Variants in PRDM10 observed in about 807,000 individuals in gnomAD.
PRDM10 encodes PR/SET domain 10.
In PRDM10, 65 loss-of-function variants were observed where a neutral mutation model predicts 133.1. The observed-to-expected ratio is 0.49, with a 90% CI of 0.40 to 0.60. PRDM10 has a LOEUF of 0.60. Ranked by LOEUF, PRDM10 falls within the 20% of genes least tolerant of loss-of-function variation. The probability of loss-of-function intolerance (pLI) is 0.00; values close to 1 mark genes in which losing one functional copy is unlikely to be tolerated. For synonymous variants in PRDM10, 582 were observed against 580.4 expected, an observed-to-expected ratio of 1.00 and a Z score of -0.04; for missense variants, 1,137 against 1,507.1, an observed-to-expected ratio of 0.75 and a Z score of 4.07.
rs1205647558 is a variant in PRDM10, at chr11:129,917,152, T to A, written c.2300A>T (p.Asp767Val). ...LTLPIIKPNR[D>V]YFCQYCDKVY... ...CTTATCGCAATACTGACAAAAGTAA[T>A]CACGATTGGGTTTTATGATGGGTAG... Residue 767 changes from aspartate to valine, a missense_variant, in exon 15 of 21, where the codon GAT becomes GTT. Transcript: ENST00000360871. 6.2e-7 allele frequency: 1 copy of A among 1,612,494 alleles called. No homozygotes were observed. The highest frequency in any genetic ancestry group is 2.2e-5 in the East Asian group (1 of 44,890).
At chr11:129,943,332 A>G (rs1951276314) in intron 6 of PRDM10, among the ~76,000 whole-genome samples, 1 of 152,252 alleles carries the variant, frequency 6.6e-6, no homozygotes, top group African/African-American at 2.4e-5. Flanking sequence ...GGCACACAGC[A>G]GATTACATTA....
chr11:129,948,711 A>G (rs954894484), intron 4 of PRDM10, among the ~76,000 whole-genome samples: 1 of 152,240 alleles, frequency 6.6e-6, no homozygotes, highest in Non-Finnish European at 1.5e-5. Flanking sequence ...CTGAAGGCCA[A>G]AAAACCCTAA....
chr11:129,918,635 G>C lies in PRDM10; in HGVS notation c.2118C>G (p.Ser706=). Residue 706 remains serine (S), a synonymous_variant, in exon 14 of 21, where the codon TCC becomes TCG. Coordinates refer to ENST00000360871, the MANE Select transcript of PRDM10 (RefSeq NM_199437.2). This position sits in a 1 kb window ranked among gnomAD's most constrained non-coding sequence, Gnocchi z 5.3. The part of the protein sequence containing the change: ...EAKKADRISR[S]KTFKPRITST... ...ACGTGATGCGGGGCTTGAACGTCTT[G>C]GAGCGGCTGATGCGGTCGGCTTTCT... The C allele has an allele frequency of 6.2e-7, 1 of 1,614,210 alleles. No individual in the cohort carries two copies. Among genetic ancestry groups the C allele is most frequent in the East Asian group, 2.2e-5 (1 of 44,892 alleles).
intron 1 of PRDM10, among the ~76,000 whole-genome samples, chr11:129,983,524 T>C (rs564869799): frequency 8.6e-5 from 13 of 151,782 alleles, no homozygotes; most frequent in African/African-American, 3.1e-4. Context: ...GCTCTCGATC[T>C]CCTGACCTTG....
intron 2 of PRDM10, 142 bp from the exon 3 acceptor site, chr11:129,958,052 G>A (rs1441396792): frequency 6.3e-6 from 6 of 958,214 alleles, no homozygotes; most frequent in Non-Finnish European, 9.1e-6. Flanking sequence ...GGTGACTAGG[G>A]GAGGATGCAA....
chr11:129,920,517 C>G (rs915589220), intron 13 of PRDM10, among the ~76,000 whole-genome samples: 3 of 152,126 alleles, frequency 2.0e-5, no homozygotes, highest in African/African-American at 4.8e-5. Context: ...CTGAATTAGC[C>G]CAGCTCTGAA....
chr11:129,924,297 T>C (rs1255735501), intron 12 of PRDM10, among the ~76,000 whole-genome samples: 1 of 152,226 alleles, frequency 6.6e-6, no homozygotes, highest in Non-Finnish European at 1.5e-5. Context: ...TTACAAAATG[T>C]TTCGTTATTC....
In PRDM10 at chr11:129,932,093, C is replaced by G. The variant is rs752231974; in HGVS notation, c.1287+9G>C. ...CACCTAAGGAGGGCTCCTTCCCGTC[C>G]CCCCGTACCTGTGTCCCATCGTCAC... On this transcript the variant is annotated intron_variant, in intron 10 of 20. Transcript: ENST00000360871. The G allele has an allele frequency of 1.9e-6, 3 of 1,611,084 alleles. No individual in the cohort carries two copies. In the Admixed American group the frequency reaches 5.0e-5, roughly 27 times the overall value.
chr11:129,924,958 T>G lies in PRDM10; in HGVS notation c.1802A>C (p.Asp601Ala). The stretch of plus-strand genomic sequence containing the variant: ...ATCATTGATATGAATGGCCACATGA[T>G]CTTTCAACAAATCAAGGCGGTCAAA... ...ESFDRLDLLK[D>A]HVAIHINDGY... The change falls in exon 12 of 21, where the codon GAT becomes GCT. Residue 601 changes from aspartate to alanine, a missense_variant. By Grantham distance (126) the Asp-to-Ala change is moderately radical. Transcript: ENST00000360871. The G allele has an allele frequency of 6.2e-7, 1 of 1,614,220 alleles. No homozygotes were observed. The highest frequency in any genetic ancestry group is 8.5e-7 in the Non-Finnish European group (1 of 1,180,032).
Position 129,942,645 on chromosome 11 carries a change from G to C in PRDM10, c.763-16C>G. 1.9e-6 allele frequency: 3 copies of C among 1,593,920 alleles called. No homozygotes were observed. The South Asian group carries it at 3.4e-5, about 18-fold the overall frequency. ...CAAGAGAAACCTGCACGAAAAAAAA[G>C]CCACACCAAAAACAAAACAAAACCT... On this transcript the variant is annotated splice_polypyrimidine_tract_variant and intron_variant, in intron 6 of 20. Transcript: ENST00000360871.
chr11:129,943,572 A>G (rs919908271), intron 6 of PRDM10, among the ~76,000 whole-genome samples: 1 of 152,150 alleles, frequency 6.6e-6, no homozygotes, highest in Non-Finnish European at 1.5e-5. Context: ...ATAAGAAGGG[A>G]AGATGGGCCA....
intron 2 of PRDM10, among the ~76,000 whole-genome samples, chr11:129,958,444 C>T (rs1683989203): frequency 6.6e-6 from 1 of 152,098 alleles, no homozygotes; most frequent in Admixed American, 6.6e-5. Flanking sequence ...GAGTTCAGGA[C>T]CAGCCTGGCC....
chr11:129,962,179 TATTCCTTCCCAAA>T lies in PRDM10; in HGVS notation c.-118-1110_-118-1098del, dbSNP rs1277439517. Among the ~76,000 whole-genome samples the T allele has an allele frequency of 2.0e-5, 3 of 152,206 alleles. 1 individual carries two copies. Among genetic ancestry groups the T allele is most frequent in the Non-Finnish European group, 4.4e-5 (3 of 68,032 alleles). ...GCACAATACCTGCATCTCAAAATCT[TATTCCTTCCCAAA>T]ACAGGCTTTTTAAGGTAGTCAGTCT... On this transcript the variant is annotated intron_variant, in intron 1 of 20. Coordinates refer to ENST00000360871, the MANE Select transcript of PRDM10 (RefSeq NM_199437.2).
intron 1 of PRDM10, among the ~76,000 whole-genome samples, chr11:129,983,689 G>C (rs1172794000): frequency 6.6e-6 from 1 of 152,200 alleles, no homozygotes; most frequent in Non-Finnish European, 1.5e-5. Flanking sequence ...GTGTATACAG[G>C]AGAGGAGAAG....
rs147131193 is a variant in PRDM10 at position 129,992,868 on chromosome 11, C to G, written c.-119+9854G>C. ...TAAATAACATTTATTCACCATTGTT[C>G]TAGAAACAAAGCTACCTGTGTGTTC... On this transcript the variant is annotated intron_variant, in intron 1 of 20. Coordinates refer to ENST00000360871, the MANE Select transcript of PRDM10 (RefSeq NM_199437.2). Among the ~76,000 whole-genome samples the G allele has an allele frequency of 5.9e-3, 893 of 152,286 alleles. 3 individuals are homozygous for G. The highest frequency in any genetic ancestry group is 8.0e-3 in the Non-Finnish European group (547 of 68,016).
At position 129,947,041 on chromosome 11, in the gene PRDM10, C is replaced by T. The variant is rs753004504; in HGVS notation, c.520+104G>A. 1.8e-5 allele frequency: 27 copies of T among 1,483,252 alleles called. No homozygotes were observed. In the Admixed American group the frequency reaches 2.4e-4, roughly 13 times the overall value. The allele number at this position is 1,483,252 out of a possible 1,614,324, so 91.9% of individuals were successfully genotyped here. On this transcript the variant is annotated intron_variant, in intron 5 of 20. Coordinates refer to ENST00000360871, the MANE Select transcript of PRDM10 (RefSeq NM_199437.2). This position sits in a 1 kb window ranked among gnomAD's most constrained non-coding sequence, Gnocchi z 4.6. ...AGAATGTAGCACAGTTGGCTGCACA[C>T]GGAAGGACCTGACGCACGGGAGCTA...
intron 7 of PRDM10, among the ~76,000 whole-genome samples, chr11:129,938,368 C>G (rs956960117): frequency 6.6e-6 from 1 of 152,164 alleles, no homozygotes; most frequent in African/African-American, 2.4e-5. Context: ...CAATGCTTTC[C>G]AACTCACACC....
Position 129,912,329 on chromosome 11 carries a change from G to A in PRDM10, c.2842-104C>T, listed in dbSNP as rs141107874. 5.1e-4 allele frequency: 642 copies of A among 1,254,088 alleles called. 7 individuals are homozygous for A. In the East Asian group the frequency reaches 0.016, roughly 30 times the overall value. 77.7% of individuals were successfully genotyped at this position (1,254,088 alleles called of 1,614,324 possible). On this transcript the variant is annotated intron_variant, in intron 17 of 20. Transcript: ENST00000360871. ...CAGTTAAAAACAATATCCTGGCCGG[G>A]TGCAGTGGCTCATGCCTATAAACCC...
intron 1 of PRDM10, among the ~76,000 whole-genome samples, chr11:129,969,732 G>A (rs377351098): frequency 1.3e-5 from 2 of 151,986 alleles, no homozygotes; most frequent in East Asian, 3.9e-4. Flanking sequence ...ACTTGAACCC[G>A]GAAGGCAGAG....
Sources: allele counts gnomAD v4.1 joint callset (sites outside exome capture counted in the v4.1 genomes callset), GRCh38; gene constraint gnomAD v4.1.1; non-coding constraint Gnocchi (gnomAD v3.1); transcripts MANE v1.5; gene names NCBI Gene and HGNC (gene_info 2026-07-23, HGNC 2026-07-21).